Variants in MSRA observed in about 807,000 individuals in gnomAD.
The protein encoded by MSRA is methionine sulfoxide reductase A, also known as mitochondrial peptide methionine sulfoxide reductase.
Under a neutral mutation model 31.3 loss-of-function variants are expected in MSRA, and 54 were observed. That is an observed-to-expected ratio of 1.73 (90% CI 1.39 to 2.17). The LOEUF is 2.17. MSRA is among the 30% of genes most tolerant of loss of function. The probability of loss-of-function intolerance (pLI) is 0.00; values close to 1 mark genes in which losing one functional copy is unlikely to be tolerated. For missense variants in MSRA, 507 were observed against 300.9 expected (o/e 1.69, Z -5.07); for synonymous variants, 169 against 116.5 (o/e 1.45, Z -2.90).
At chr8:10,355,475 T>G (rs138968340) in intron 5 of MSRA, among the ~76,000 whole-genome samples, 162 of 152,312 alleles carry the variant, frequency 1.1e-3, no homozygotes, top group African/African-American at 3.7e-3. Flanking sequence ...TGGAGATTTC[T>G]GAGACACGTG....
chr8:10,185,463 C>A (rs1009320924), intron 1 of MSRA, among the ~76,000 whole-genome samples: 5 of 152,018 alleles, frequency 3.3e-5, no homozygotes, highest in African/African-American at 1.2e-4. Flanking sequence ...GCCTTTCTAC[C>A]TCAGAGTTAA....
At position 10,054,434 on chromosome 8, in the gene MSRA, G is replaced by A; in HGVS notation, c.-83G>A. 1 of 1,350,988 alleles carries A rather than the reference G, an allele frequency of 7.4e-7. No individual in the cohort carries two copies. The highest frequency in any genetic ancestry group is 9.7e-7 in the Non-Finnish European group (1 of 1,030,612). The allele number at this position is 1,350,988 out of a possible 1,614,324, so 83.7% of individuals were successfully genotyped here. A position where few individuals can be genotyped will look rare whatever the true frequency, so the allele number is the denominator to read the frequency against. ...CTGCCGCCCCCCGGTTCCGGCCGCG[G>A]ACCCCACTCTCTGCCGTTCCGGCTG... On this transcript the variant is annotated 5_prime_UTR_variant, in exon 1 of 6. Coordinates refer to ENST00000317173, the MANE Select transcript of MSRA (RefSeq NM_012331.5).
At chr8:10,398,331 C>T (rs1807230855) in intron 5 of MSRA, among the ~76,000 whole-genome samples, 1 of 152,178 alleles carries the variant, frequency 6.6e-6, no homozygotes, top group Non-Finnish European at 1.5e-5. Context: ...TATGTAATTC[C>T]ACCCACTGGT....
At chr8:10,223,035 G>A (rs536100700) in intron 2 of MSRA, among the ~76,000 whole-genome samples, 8 of 152,282 alleles carry the variant, frequency 5.3e-5, no homozygotes, top group African/African-American at 1.9e-4. Flanking sequence ...TTATTCCACA[G>A]TGTGTATATA....
intron 5 of MSRA, among the ~76,000 whole-genome samples, chr8:10,346,555 G>C (rs1803787651): frequency 6.6e-6 from 1 of 152,190 alleles, no homozygotes; most frequent in Non-Finnish European, 1.5e-5. Flanking sequence ...CCAGCCACTA[G>C]CCCTTGCGTT....
chr8:10,147,936 C>T lies in MSRA; in HGVS notation c.143-59897C>T, dbSNP rs188383533. The stretch of plus-strand genomic sequence containing the variant: ...TGCGAAACTCCAAAGAGCGGGAAAA[C>T]GACTTTAGAGGGACCGGAAAGGGGA... On this transcript the variant is annotated intron_variant, in intron 1 of 5. Transcript: ENST00000317173. Among the ~76,000 whole-genome samples, 38 of 152,282 alleles carry T rather than the reference C, an allele frequency of 2.5e-4. 1 individual carries two copies. In the East Asian group the frequency reaches 3.7e-3, roughly 15 times the overall value.
rs924375978 is a variant in MSRA, at chr8:10,178,014, G to A, written c.143-29819G>A. Among the ~76,000 whole-genome samples the A allele has an allele frequency of 9.9e-5, 15 of 152,124 alleles. No individual in the cohort carries two copies. The East Asian group carries it at 1.3e-3, about 14-fold the overall frequency. ...CTGTGGGGTTTATATCCTCCTTACC[G>A]CTTCACCTGCCTCTTTTTTCCAGGA... On this transcript the variant is annotated intron_variant, in intron 1 of 5. Transcript: ENST00000317173.
intron 2 of MSRA, among the ~76,000 whole-genome samples, chr8:10,233,846 G>A (rs1369204226): frequency 1.3e-5 from 2 of 152,000 alleles, no homozygotes; most frequent in Non-Finnish European, 2.9e-5. Flanking sequence ...TAAGCCCTAA[G>A]CAAGATAAAT....
chr8:10,245,533 C>T (rs1263329274), intron 3 of MSRA, among the ~76,000 whole-genome samples: 1 of 152,176 alleles, frequency 6.6e-6, no homozygotes, highest in Non-Finnish European at 1.5e-5. Flanking sequence ...CTTTATGGTT[C>T]TTCTGTTAGC....
chr8:10,292,062 A>G (rs1183396722), intron 3 of MSRA, among the ~76,000 whole-genome samples: 1 of 152,206 alleles, frequency 6.6e-6, no homozygotes, highest in Non-Finnish European at 1.5e-5. Context: ...ACAGTAAAGT[A>G]TTCTAGTCGC....
intron 1 of MSRA, among the ~76,000 whole-genome samples, chr8:10,083,286 A>G (rs1377500866): frequency 1.3e-5 from 2 of 152,176 alleles, no homozygotes; most frequent in Non-Finnish European, 2.9e-5. Context: ...CTCACTTTAG[A>G]TTTGTTTTCT....
intron 5 of MSRA, among the ~76,000 whole-genome samples, chr8:10,401,089 A>G (rs1241418361): frequency 1.0e-5 from 1 of 100,390 alleles, no homozygotes; most frequent in Non-Finnish European, 2.1e-5. Flanking sequence ...ACATCAGTGG[A>G]CACTATCAAG....
intron 5 of MSRA, among the ~76,000 whole-genome samples, chr8:10,359,675 C>A (rs1421253973): frequency 6.6e-6 from 1 of 152,144 alleles, no homozygotes. Context: ...CCACTGCTGC[C>A]ACCAAGCTTT....
At chr8:10,245,028 A>C in intron 2 of MSRA, 76 bp from the exon 3 acceptor site, 2 of 1,338,560 alleles carry the variant, frequency 1.5e-6, no homozygotes, top group Admixed American at 2.5e-5. Flanking sequence ...TTCATGTAAC[A>C]GGTGTATGTG....
At chr8:10,151,938 C>A (rs541999113) in intron 1 of MSRA, among the ~76,000 whole-genome samples, 174 of 152,336 alleles carry the variant, frequency 1.1e-3, no homozygotes, top group African/African-American at 4.0e-3. Context: ...AGGTCAGTGT[C>A]TCACCACCTG....
At chr8:10,379,314 A>G (rs1187444960) in intron 5 of MSRA, among the ~76,000 whole-genome samples, 1 of 152,164 alleles carries the variant, frequency 6.6e-6, no homozygotes, top group Non-Finnish European at 1.5e-5. Flanking sequence ...GAAGAAAAAA[A>G]AAAAATCCAG....
At chr8:10,174,732 C>T (rs540616964) in intron 1 of MSRA, among the ~76,000 whole-genome samples, 1 of 152,304 alleles carries the variant, frequency 6.6e-6, no homozygotes, top group Admixed American at 6.5e-5. Context: ...CTATCTCTGT[C>T]ACCTCCGGCT....
chr8:10,291,071 C>T (rs564127922), intron 3 of MSRA, among the ~76,000 whole-genome samples: 1 of 152,170 alleles, frequency 6.6e-6, no homozygotes. Flanking sequence ...TCACTGCTAT[C>T]CTAGTTACCT....
chr8:10,246,725 G>A (rs1797640747), intron 3 of MSRA, among the ~76,000 whole-genome samples: 1 of 152,128 alleles, frequency 6.6e-6, no homozygotes, highest in African/African-American at 2.4e-5. Context: ...ATAAAAATGT[G>A]CATGTTCTTA....
Sources: allele counts gnomAD v4.1 joint callset (sites outside exome capture counted in the v4.1 genomes callset), GRCh38; gene constraint gnomAD v4.1.1; transcripts MANE v1.5; gene names NCBI Gene and HGNC (gene_info 2026-07-23, HGNC 2026-07-21).